The following ARHGEF10L variants were observed in gnomAD, a reference collection of about 807,000 sequenced individuals.
ARHGEF10L encodes Rho guanine nucleotide exchange factor 10 like, also known as rho guanine nucleotide exchange factor 10-like protein.
In ARHGEF10L, 69 loss-of-function variants were observed where a neutral mutation model predicts 141.2. The ratio of observed to expected loss-of-function variants is 0.49; its 90% CI spans 0.40 to 0.60. ARHGEF10L has a LOEUF of 0.60. Ranked by LOEUF, ARHGEF10L falls within the 20% of genes least tolerant of loss-of-function variation. The probability of loss-of-function intolerance (pLI) is 0.00; values close to 1 mark genes in which losing one functional copy is unlikely to be tolerated. For missense variants in ARHGEF10L, 1,482 were observed against 1,734.3 expected, an observed-to-expected ratio of 0.85 and a Z score of 2.58; for synonymous variants, 711 against 718.5, an observed-to-expected ratio of 0.99 and a Z score of 0.17.
At chr1:17,624,594 G>C in intron 13 of ARHGEF10L, 91 bp downstream of exon 13, 6 of 1,024,472 alleles carry the variant, frequency 5.9e-6, no homozygotes. Flanking sequence ...CTTTGGGTAT[G>C]ACATCATAGC....
intron 4 of ARHGEF10L, among the ~76,000 whole-genome samples, chr1:17,589,294 T>C (rs188256090): frequency 1.1e-3 from 171 of 152,274 alleles, no homozygotes; most frequent in Non-Finnish European, 1.0e-3. Context: ...GGTAATTGGG[T>C]AACTGGAGGT....
At chr1:17,662,078 G>A (rs1477867511) in intron 25 of ARHGEF10L, among the ~76,000 whole-genome samples, 1 of 152,148 alleles carries the variant, frequency 6.6e-6, no homozygotes, top group African/African-American at 2.4e-5. Context: ...TGTGGCAAAT[G>A]GCATCAAACA....
At position 17,613,173 on chromosome 1, in the gene ARHGEF10L, A is replaced by C; in HGVS notation, c.725A>C (p.Lys242Thr). The change falls in exon 8 of 29, where the codon AAG becomes ACG. Residue 242 changes from lysine to threonine, a missense_variant and splice_region_variant. Around this residue, in one of 3 missense-constraint regions of ARHGEF10L, gnomAD observed 392 missense variants for 542.1 expected, o/e 0.72. Coordinates refer to ENST00000361221, the MANE Select transcript of ARHGEF10L (RefSeq NM_018125.4). ...MQELKHKYDC[K>T]MTQLMKAAKS... Reference sequence around the variant, plus strand: ...GAGCTGAAGCACAAGTACGATTGTAAGGTATTGTCTGTCTGTCCCCTCAAG... The same window carrying C: ...GAGCTGAAGCACAAGTACGATTGTACGGTATTGTCTGTCTGTCCCCTCAAG... The C allele has an allele frequency of 6.2e-7, 1 of 1,611,586 alleles. No individual in the cohort carries two copies. The highest frequency in any genetic ancestry group is 8.5e-7 in the Non-Finnish European group (1 of 1,178,060).
intron 22 of ARHGEF10L, among the ~76,000 whole-genome samples, chr1:17,650,386 C>T (rs2061845941): frequency 6.6e-6 from 1 of 152,140 alleles, no homozygotes; most frequent in Admixed American, 6.5e-5. Flanking sequence ...TGCACTCCAG[C>T]CTAGGGGACA....
intron 18 of ARHGEF10L, 61 bp from the exon 19 acceptor site, chr1:17,637,827 A>G: frequency 6.9e-7 from 1 of 1,450,322 alleles, no homozygotes; most frequent in Non-Finnish European, 9.4e-7. Context: ...TGTTGTGAGC[A>G]GATGCTTGGC....
chr1:17,609,214 C>T (rs575108373), intron 7 of ARHGEF10L, among the ~76,000 whole-genome samples: 2 of 152,330 alleles, frequency 1.3e-5, no homozygotes, highest in East Asian at 3.9e-4. Flanking sequence ...GGGATCCACT[C>T]TGGGAGAGGC....
chr1:17,590,871 C>T (rs969359777), intron 4 of ARHGEF10L, among the ~76,000 whole-genome samples: 1 of 152,116 alleles, frequency 6.6e-6, no homozygotes, highest in African/African-American at 2.4e-5. Context: ...CCTGTAATTC[C>T]AGCTACTGGG....
intron 1 of ARHGEF10L, among the ~76,000 whole-genome samples, chr1:17,551,699 C>G (rs2077118813): frequency 6.6e-6 from 1 of 152,144 alleles, no homozygotes; most frequent in Non-Finnish European, 1.5e-5. Context: ...TCTCTGAACC[C>G]TGCTGCTTCC....
intron 8 of ARHGEF10L, among the ~76,000 whole-genome samples, chr1:17,614,798 C>T (rs1445189092): frequency 1.3e-5 from 2 of 152,174 alleles, no homozygotes; most frequent in African/African-American, 4.8e-5. Flanking sequence ...TCCAGAAAGT[C>T]AGCCTTGTTC....
chr1:17,617,624 G>A (rs370086782), intron 9 of ARHGEF10L, among the ~76,000 whole-genome samples: 2 of 152,214 alleles, frequency 1.3e-5, no homozygotes, highest in South Asian at 2.1e-4. Context: ...GCCTGCCCTC[G>A]GCACATGGCC....
upstream of ARHGEF10L, among the ~76,000 whole-genome samples, chr1:17,538,075 CAAAG>C (rs201429307): frequency 0.016 from 2,418 of 151,552 alleles, 22 homozygotes; most frequent in Non-Finnish European, 0.026. Context: ...TAAAAAAAAA[CAAAG>C]AAAGAAAAAA....
In ARHGEF10L at chr1:17,682,359, G is replaced by A. The variant is rs80001293; in HGVS notation, c.3010-5214G>A. On this transcript the variant is annotated intron_variant, in intron 26 of 28. Transcript: ENST00000361221. ...CAAACCCTGGTTCCCAATAACATCAGTGTATCTCAGTCCCACCACATAGGT... is the reference window on the plus strand; with the variant it reads ...CAAACCCTGGTTCCCAATAACATCAATGTATCTCAGTCCCACCACATAGGT... 1.4e-3 allele frequency among the ~76,000 whole-genome samples: 216 copies of A among 152,266 alleles called. 4 individuals carry two copies. In the East Asian group the frequency reaches 0.033, roughly 23 times the overall value.
the ARHGEF10L span, among the ~76,000 whole-genome samples, chr1:17,519,100 G>A: frequency 1.3e-5 from 2 of 151,900 alleles, no homozygotes; most frequent in Non-Finnish European, 2.9e-5. Flanking sequence ...GCTTGAACCT[G>A]GGAGGCGGAG....
intron 18 of ARHGEF10L, among the ~76,000 whole-genome samples, chr1:17,637,220 T>C (rs1238801752): frequency 6.6e-6 from 1 of 152,240 alleles, no homozygotes; most frequent in African/African-American, 2.4e-5. Context: ...CAGGATGTCT[T>C]TGAACAACTT....
chr1:17,674,915 A>C (rs1393008990), intron 26 of ARHGEF10L, among the ~76,000 whole-genome samples: 1 of 152,186 alleles, frequency 6.6e-6, no homozygotes, highest in African/African-American at 2.4e-5. Flanking sequence ...TTTACCGCCT[A>C]GATCTGTGTA....
At chr1:17,574,674 G>A (rs6695734) in intron 1 of ARHGEF10L, among the ~76,000 whole-genome samples, 43 of 152,102 alleles carry the variant, frequency 2.8e-4, no homozygotes, top group African/African-American at 9.9e-4. Context: ...TTCTGCCTGC[G>A]CCCCTCCTGC....
At position 17,554,930 on chromosome 1, in the gene ARHGEF10L, A is replaced by G. The variant is rs112526228; in HGVS notation, c.-44+14980A>G. Among the ~76,000 whole-genome samples, 11 of 152,274 alleles carry G rather than the reference A, an allele frequency of 7.2e-5. 1 individual carries two copies. The highest frequency in any genetic ancestry group is 2.6e-4 in the African/African-American group (11 of 41,548). ...GGGCATGACTTTCTGACCAGGCACT[A>G]TGCTGTTTGCCTTCTCTTTCTCCAA... On this transcript the variant is annotated intron_variant, in intron 1 of 28. Coordinates refer to ENST00000361221, the MANE Select transcript of ARHGEF10L (RefSeq NM_018125.4).
At chr1:17,534,986 G>C (rs141481822), upstream of ARHGEF10L, among the ~76,000 whole-genome samples, 934 of 152,210 alleles carry the variant, frequency 6.1e-3, 8 homozygotes, top group African/African-American at 0.021. Flanking sequence ...TGGATGGGGT[G>C]GGGGGATGGT....
rs764533082 is a variant in ARHGEF10L, at chr1:17,623,179, A to C, written c.1200+4A>C. ...CGGGGACCTCTTCGTGGCCTCGGTA[A>C]GTGTCCCCAAACTTTTTCCCCAGCC... On this transcript the variant is annotated splice_donor_region_variant and intron_variant, in intron 12 of 28. Transcript: ENST00000361221. This position sits in a 1 kb window ranked among gnomAD's most constrained non-coding sequence, Gnocchi z 4.7. The C allele has an allele frequency of 6.2e-7, 1 of 1,610,376 alleles. No homozygotes were observed. Among genetic ancestry groups the C allele is most frequent in the Non-Finnish European group, 8.5e-7 (1 of 1,178,500 alleles).
Sources: gnomAD v4.1 joint callset for allele counts (sites outside exome capture counted in the v4.1 genomes callset) on GRCh38, gnomAD v4.1.1 for gene constraint, gnomAD v4.1.1 regional missense constraint, Gnocchi (gnomAD v3.1) non-coding constraint, MANE v1.5 for transcripts, NCBI Gene and HGNC (gene_info 2026-07-23, HGNC 2026-07-21) for gene names.